The following EBF1 variants were observed in gnomAD, a reference collection of about 807,000 sequenced individuals.
EBF1 encodes the protein transcription factor COE1.
Under a neutral mutation model 68.4 loss-of-function variants are expected in EBF1, and 10 were observed. The ratio of observed to expected loss-of-function variants is 0.15; its 90% CI spans 0.09 to 0.25. The LOEUF (loss-of-function observed/expected upper bound fraction) is 0.25, where lower values mean the gene tolerates loss of function less well. Among genes scored for constraint, EBF1 ranks in the 10% least tolerant of loss-of-function variants. The pLI is 1.00. For missense variants in EBF1, 509 were observed against 794.4 expected (o/e 0.64, Z 4.32); for synonymous variants, 298 against 299.8 (o/e 0.99, Z 0.06).
intron 6 of EBF1, among the ~76,000 whole-genome samples, chr5:158,878,599 T>C (rs924795079): frequency 6.6e-6 from 1 of 151,962 alleles, no homozygotes; most frequent in African/African-American, 2.4e-5. Context: ...AGACGAGTAA[T>C]TTGAGCAATT....
At chr5:158,707,201 G>T (rs1323247171) in intron 15 of EBF1, among the ~76,000 whole-genome samples, 1 of 152,204 alleles carries the variant, frequency 6.6e-6, no homozygotes, top group African/African-American at 2.4e-5. Context: ...GAATGAGGTT[G>T]TGCAGGTCTC....
At chr5:158,716,997 A>G (rs1179579545) in intron 11 of EBF1, among the ~76,000 whole-genome samples, 1 of 152,220 alleles carries the variant, frequency 6.6e-6, no homozygotes, top group Non-Finnish European at 1.5e-5. Context: ...CTTGAAATGT[A>G]TATTTTATGA....
intron 6 of EBF1, among the ~76,000 whole-genome samples, chr5:158,873,351 T>G (rs965731088): frequency 6.6e-6 from 1 of 152,180 alleles, no homozygotes; most frequent in Non-Finnish European, 1.5e-5. Flanking sequence ...TTTGACTCTA[T>G]AGAATACACA....
intron 6 of EBF1, among the ~76,000 whole-genome samples, chr5:159,057,104 C>CTTTTTTTTTTTTTTT (rs1205129627): frequency 1.2e-3 from 129 of 110,630 alleles, no homozygotes; most frequent in Middle Eastern, 5.3e-3. Context: ...CTTTTCTTTT[C>CTTTTTTTTTTTTTTT]TTTTTTTTTT....
intron 6 of EBF1, among the ~76,000 whole-genome samples, chr5:158,991,956 A>G (rs1023834760): frequency 6.6e-6 from 1 of 152,158 alleles, no homozygotes; most frequent in Non-Finnish European, 1.5e-5. Context: ...ACCTTCAGCA[A>G]CTCACCAACT....
At chr5:158,881,939 G>A (rs997507186) in intron 6 of EBF1, among the ~76,000 whole-genome samples, 1 of 152,214 alleles carries the variant, frequency 6.6e-6, no homozygotes, top group Admixed American at 6.5e-5. Context: ...ACAGGGCTAT[G>A]TGTCTTTGAC....
chr5:158,761,918 C>A (rs1045187519), intron 10 of EBF1, among the ~76,000 whole-genome samples: 3 of 152,070 alleles, frequency 2.0e-5, no homozygotes, highest in African/African-American at 7.2e-5. Context: ...AAGAATAGTT[C>A]TACTTAAATC....
In EBF1 at chr5:159,018,201, T is replaced by C. The variant is rs144109685; in HGVS notation, c.554+55195A>G. 2.7e-3 allele frequency among the ~76,000 whole-genome samples: 405 copies of C among 152,338 alleles called. 1 individual carries two copies. Among genetic ancestry groups the C allele is most frequent in the African/African-American group, 9.3e-3 (385 of 41,576 alleles). The stretch of plus-strand genomic sequence containing the variant: ...TAGATCTAATCCAAGGTCTCAACTG[T>C]AGCTTCCAGTCACTCCATCAGCTAC... On this transcript the variant is annotated intron_variant, in intron 6 of 15. Transcript: ENST00000313708.
At chr5:159,051,358 C>A (rs1489499490) in intron 6 of EBF1, among the ~76,000 whole-genome samples, 1 of 143,134 alleles carries the variant, frequency 7.0e-6, no homozygotes, top group Non-Finnish European at 1.5e-5. Flanking sequence ...CCCAGCCCCC[C>A]AAACAAATCC....
At chr5:158,988,440 G>A (rs899664704) in intron 6 of EBF1, among the ~76,000 whole-genome samples, 2 of 152,244 alleles carry the variant, frequency 1.3e-5, no homozygotes, top group Admixed American at 6.5e-5. Context: ...CACAGCCCCA[G>A]AACTGCCTCA....
chr5:158,734,391 C>G (rs930564762), intron 10 of EBF1, among the ~76,000 whole-genome samples: 2 of 152,010 alleles, frequency 1.3e-5, no homozygotes, highest in Non-Finnish European at 2.9e-5. Flanking sequence ...TCTGTATACC[C>G]TTTAATAACC....
chr5:158,863,650 A>G (rs564515073), intron 6 of EBF1, among the ~76,000 whole-genome samples: 111 of 152,368 alleles, frequency 7.3e-4, no homozygotes, highest in African/African-American at 2.5e-3. Flanking sequence ...ATAAAAAAAA[A>G]TATGCTGGAA....
intron 6 of EBF1, chr5:158,941,267 T>C (rs1813311774): frequency 6.6e-6 from 3 of 455,792 alleles, no homozygotes; most frequent in African/African-American, 4.0e-5. Context: ...CAATGCAGAC[T>C]GGAGACGTTG....
At chr5:158,879,323 G>A (rs1321432474) in intron 6 of EBF1, among the ~76,000 whole-genome samples, 1 of 152,142 alleles carries the variant, frequency 6.6e-6, no homozygotes, top group South Asian at 2.1e-4. Context: ...AAGCACATAC[G>A]CTCAAGGAAG....
At chr5:159,010,739 A>G (rs779209738) in intron 6 of EBF1, among the ~76,000 whole-genome samples, 22 of 152,200 alleles carry the variant, frequency 1.4e-4, no homozygotes, top group African/African-American at 5.3e-4. Flanking sequence ...GAGTAGATCC[A>G]AAGGAGGGCA....
intron 8 of EBF1, among the ~76,000 whole-genome samples, chr5:158,809,792 TGAGAAACATTTTTAAA>T (rs1256457636): frequency 2.0e-5 from 3 of 152,170 alleles, no homozygotes; most frequent in African/African-American, 7.2e-5. Flanking sequence ...AGCAACACTA[TGAGAAACATTTTTAAA>T]GTATCAGGCA....
At position 158,970,852 on chromosome 5, in the gene EBF1, C is replaced by T. The variant is rs1166080302; in HGVS notation, c.554+102544G>A. ...GGAAAAAAGACTTCCAACCATATTC[C>T]TCTCACTTCCAAGTGCCTTTCAGCT... On this transcript the variant is annotated intron_variant, in intron 6 of 15. Coordinates refer to ENST00000313708, the MANE Select transcript of EBF1 (RefSeq NM_024007.5). Among the ~76,000 whole-genome samples, 6 of 152,302 alleles carry T rather than the reference C, an allele frequency of 3.9e-5. No homozygotes were observed. The East Asian group carries it at 1.2e-3, about 29-fold the overall frequency.
intron 15 of EBF1, among the ~76,000 whole-genome samples, chr5:158,704,188 G>T (rs1464174476): frequency 6.6e-6 from 1 of 152,192 alleles, no homozygotes; most frequent in African/African-American, 2.4e-5. Flanking sequence ...GTGGTTGGGA[G>T]CCAGGCTGGG....
chr5:158,767,179 G>T (rs927327740), intron 10 of EBF1, among the ~76,000 whole-genome samples: 2 of 152,058 alleles, frequency 1.3e-5, no homozygotes, highest in Admixed American at 1.3e-4. Context: ...CTTCTATATG[G>T]TTTCTATATT....
Sources: gnomAD v4.1 joint callset for allele counts (sites outside exome capture counted in the v4.1 genomes callset) on GRCh38, gnomAD v4.1.1 for gene constraint, MANE v1.5 for transcripts, NCBI Gene and HGNC (gene_info 2026-07-23, HGNC 2026-07-21) for gene names.